ESCO1: variants seen among roughly 807,000 people sequenced by gnomAD.
The protein encoded by ESCO1 is establishment of sister chromatid cohesion N-acetyltransferase 1.
Under a neutral mutation model 83.5 loss-of-function variants are expected in ESCO1, and 33 were observed. The ratio of observed to expected loss-of-function variants is 0.40; its 90% CI spans 0.30 to 0.53. The LOEUF (loss-of-function observed/expected upper bound fraction) is 0.53, where lower values mean the gene tolerates loss of function less well. ESCO1 is among the 20% of genes least tolerant of loss of function. ESCO1 has a pLI of 0.63. For missense variants in ESCO1, 855 were observed against 968.0 expected (o/e 0.88, Z 1.55); for synonymous variants, 332 against 324.3 (o/e 1.02, Z -0.25).
At chr18:21,600,187 G>A (rs1378762654) in intron 1 of ESCO1, among the ~76,000 whole-genome samples, 5 of 152,240 alleles carry the variant, frequency 3.3e-5, no homozygotes, top group African/African-American at 4.8e-5. Context: ...GCCGGGAAGA[G>A]AAAACGCAGG....
chr18:21,592,811 G>A (rs546298173), intron 1 of ESCO1, among the ~76,000 whole-genome samples: 2,071 of 146,076 alleles, frequency 0.014, 64 homozygotes, highest in African/African-American at 0.05. Context: ...GCTGCCGGGC[G>A]GAGGGGCTCC....
intron 8 of ESCO1, among the ~76,000 whole-genome samples, chr18:21,542,838 A>G (rs1238848952): frequency 6.6e-6 from 1 of 152,238 alleles, no homozygotes; most frequent in East Asian, 1.9e-4. Context: ...AGAGAAACTT[A>G]GAGGCGATAA....
At chr18:21,563,079 C>G (rs2038210683) in intron 7 of ESCO1, among the ~76,000 whole-genome samples, 3 of 151,974 alleles carry the variant, frequency 2.0e-5, no homozygotes, top group Admixed American at 2.0e-4. Context: ...CGGTGTTGGT[C>G]AGGCTGGTCT....
chr18:21,564,118 C>T (rs896769012), intron 7 of ESCO1, 85 bp downstream of exon 7: 4 of 879,898 alleles, frequency 4.5e-6, no homozygotes, highest in Non-Finnish European at 3.5e-6. Flanking sequence ...AAATTACCAA[C>T]CTCAGATATC....
chr18:21,558,834 T>C (rs2038146718), intron 8 of ESCO1, among the ~76,000 whole-genome samples: 1 of 152,164 alleles, frequency 6.6e-6, no homozygotes, highest in Non-Finnish European at 1.5e-5. Context: ...TTCCTGATAC[T>C]GTCCATTTAA....
intron 2 of ESCO1, among the ~76,000 whole-genome samples, chr18:21,583,020 C>T (rs2038524333): frequency 6.6e-6 from 1 of 152,036 alleles, no homozygotes; most frequent in Non-Finnish European, 1.5e-5. Flanking sequence ...GGCAAAACCC[C>T]GTCTCTACAA....
rs535067962 is a variant in ESCO1 at position 21,573,185 on chromosome 18, CAACTT to C, written c.1530+124_1530+128del. ...ACTGGGTTAATAAAACTCTCGCTAA[CAACTT>C]AACAGGAGAACTTAAACAACTCTTC... On this transcript the variant is annotated intron_variant, in intron 4 of 11. Coordinates refer to ENST00000269214, the MANE Select transcript of ESCO1 (RefSeq NM_052911.3). 383 of 893,578 alleles carry C rather than the reference CAACTT, an allele frequency of 4.3e-4. 2 individuals carry two copies. Among genetic ancestry groups the C allele is most frequent in the Middle Eastern group, 2.2e-3 (6 of 2,742 alleles). The allele number at this position is 893,578 out of a possible 1,614,324, so 55.4% of individuals were successfully genotyped here. A position where few individuals can be genotyped will look rare whatever the true frequency, so the allele number is the denominator to read the frequency against.
In ESCO1 at chr18:21,529,501, G is replaced by A. The variant is rs1450612389; in HGVS notation, c.*842C>T. On this transcript the variant is annotated 3_prime_UTR_variant, in exon 12 of 12. Transcript: ENST00000269214. The stretch of plus-strand genomic sequence containing the variant: ...TCTGAGGAATAACAAAGCAGATACC[G>A]AGTCATCCATACTTTGCTTCCAAGT... 1 of 152,146 alleles carries A rather than the reference G, an allele frequency of 6.6e-6. No individual in the cohort carries two copies. Among genetic ancestry groups the A allele is most frequent in the Non-Finnish European group, 1.5e-5 (1 of 68,036 alleles). The allele number at this position is 152,146 out of a possible 1,614,324, so 9.4% of individuals were successfully genotyped here.
chr18:21,575,792 GT>G lies in ESCO1; in HGVS notation c.-693-16del, dbSNP rs1004006606. ...TCACACAGCACCTGAAAGAAAAAGG[GT>G]TTTTTTTAATGTTCAAAAGGACAAA... On this transcript the variant is annotated splice_polypyrimidine_tract_variant and intron_variant, in intron 2 of 11. Transcript: ENST00000269214. The G allele has an allele frequency of 7.6e-6, 3 of 396,836 alleles. No individual in the cohort carries two copies. Among genetic ancestry groups the G allele is most frequent in the Non-Finnish European group, 1.3e-5 (3 of 225,234 alleles). 24.6% of individuals were successfully genotyped at this position (396,836 alleles called of 1,614,324 possible). A position where few individuals can be genotyped will look rare whatever the true frequency, so the allele number is the denominator to read the frequency against.
chr18:21,570,697 G>A (rs566559787), intron 4 of ESCO1, among the ~76,000 whole-genome samples: 19 of 151,542 alleles, frequency 1.3e-4, no homozygotes, highest in Non-Finnish European at 1.3e-4. Context: ...TGCAGTCTTC[G>A]GCCAGGCGTG....
At position 21,573,813 on chromosome 18, in the gene ESCO1, G is replaced by A; in HGVS notation, c.1031C>T (p.Thr344Ile). 1 of 1,613,942 alleles carries A rather than the reference G, an allele frequency of 6.2e-7. No individual in the cohort carries two copies. The highest frequency in any genetic ancestry group is 2.2e-5 in the East Asian group (1 of 44,868). The change falls in exon 4 of 12, where the codon ACC (threonine) becomes ATC (isoleucine). Residue 344 changes from threonine (T) to isoleucine (I), a missense_variant. By Grantham distance (89) the Thr-to-Ile change is moderately conservative. Transcript: ENST00000269214. ...EKPTEIKLEE[T>I]SVERQILHQK... is the part of the protein sequence containing the mutation. ...ATGAAGTATTTGTCTTTCAACACTG[G>A]TCTCTTCCAATTTTATTTCTGTGGG...
intron 1 of ESCO1, among the ~76,000 whole-genome samples, chr18:21,596,798 T>C (rs757160694): frequency 1.3e-5 from 2 of 152,140 alleles, no homozygotes; most frequent in Non-Finnish European, 2.9e-5. Context: ...TAGCACAGCC[T>C]GGGCAACAGA....
chr18:21,579,795 C>CGTG (rs1568109865), intron 2 of ESCO1, among the ~76,000 whole-genome samples: 1 of 10,564 alleles, frequency 9.5e-5, no homozygotes, highest in African/African-American at 1.3e-4. Flanking sequence ...CGCGCGCGCG[C>CGTG]ACACACACAC....
In ESCO1 at chr18:21,551,001, A is replaced by G. The variant is rs564050666; in HGVS notation, c.1953+9858T>C. ...GTGGCAGGAGCCTGTAGTCCCAGCT[A>G]CTTGGGAGGCTGAGGCAGGAGAATG... On this transcript the variant is annotated intron_variant, in intron 8 of 11. Coordinates refer to ENST00000269214, the MANE Select transcript of ESCO1 (RefSeq NM_052911.3). Among the ~76,000 whole-genome samples, 47 of 151,918 alleles carry G rather than the reference A, an allele frequency of 3.1e-4. 1 individual carries two copies. Among genetic ancestry groups the G allele is most frequent in the African/African-American group, 1.1e-3 (45 of 41,430 alleles).
At chr18:21,561,107 C>T in intron 7 of ESCO1, 117 bp from the exon 8 acceptor site, 2 of 943,770 alleles carry the variant, frequency 2.1e-6, no homozygotes, top group Non-Finnish European at 2.9e-6. Flanking sequence ...ACATGAATAA[C>T]ATTCAATGTT....
At chr18:21,561,668 T>A (rs558255737) in intron 7 of ESCO1, among the ~76,000 whole-genome samples, 1 of 152,316 alleles carries the variant, frequency 6.6e-6, no homozygotes, top group Non-Finnish European at 1.5e-5. Flanking sequence ...CCTCAGGTGA[T>A]CCACCTGCCT....
intron 1 of ESCO1, among the ~76,000 whole-genome samples, chr18:21,591,486 A>C (rs1466007398): frequency 1.3e-5 from 2 of 152,206 alleles, no homozygotes; most frequent in African/African-American, 4.8e-5. Flanking sequence ...ACCATTTTTT[A>C]TCTTACACAA....
rs561837949 is a variant in ESCO1, at chr18:21,551,677, T to G, written c.1953+9182A>C. Among the ~76,000 whole-genome samples, 4 of 152,228 alleles carry G rather than the reference T, an allele frequency of 2.6e-5. No individual in the cohort carries two copies. The South Asian group carries it at 8.3e-4, about 32-fold the overall frequency. ...ATGGCAGTCTGAAATCTGAAGAAAC[T>G]CCAAATACAGCAATAATTATCTACC... On this transcript the variant is annotated intron_variant, in intron 8 of 11. Coordinates refer to ENST00000269214, the MANE Select transcript of ESCO1 (RefSeq NM_052911.3).
At chr18:21,548,041 G>C (rs1404233780) in intron 8 of ESCO1, among the ~76,000 whole-genome samples, 1 of 152,168 alleles carries the variant, frequency 6.6e-6, no homozygotes, top group Non-Finnish European at 1.5e-5. Context: ...GGTGGAGCTT[G>C]CAGTGAGCTG....
Sources: allele counts gnomAD v4.1 joint callset (sites outside exome capture counted in the v4.1 genomes callset), GRCh38; gene constraint gnomAD v4.1.1; transcripts MANE v1.5; gene names NCBI Gene and HGNC (gene_info 2026-07-23, HGNC 2026-07-21).